The following DPH6 variants were observed in gnomAD, a reference collection of about 807,000 sequenced individuals.
DPH6 encodes the protein diphthamine biosynthesis 6, also known as diphthine--ammonia ligase.
In DPH6, 33 loss-of-function variants were observed where a neutral mutation model predicts 38.2. The observed-to-expected ratio is 0.86, with a 90% CI of 0.65 to 1.15. DPH6 has a LOEUF of 1.15. DPH6 is among the 50% of genes most tolerant of loss of function. The pLI is 0.00. For synonymous variants in DPH6, 108 were observed against 103.0 expected, an observed-to-expected ratio of 1.05 and a Z score of -0.30; for missense variants, 325 against 320.0, an observed-to-expected ratio of 1.02 and a Z score of -0.12.
chr15:35,382,297 A>C (rs149988693), intron 6 of DPH6, among the ~76,000 whole-genome samples: 1 of 151,764 alleles, frequency 6.6e-6, no homozygotes, highest in African/African-American at 2.4e-5. Flanking sequence ...TTAGCCGGGC[A>C]TGGTGGTGGG....
In DPH6 at chr15:35,410,909, G is replaced by T. The variant is rs184298288; in HGVS notation, c.506-13C>A. ...TCAGGATCTAAACCTGCCAAGAAAGGTTACATTTTTTAAAGATAACTATCA... is the reference window on the plus strand; with the variant it reads ...TCAGGATCTAAACCTGCCAAGAAAGTTTACATTTTTTAAAGATAACTATCA... On this transcript the variant is annotated splice_polypyrimidine_tract_variant and intron_variant, in intron 5 of 8. Coordinates refer to ENST00000256538, the MANE Select transcript of DPH6 (RefSeq NM_080650.4). The T allele has an allele frequency of 1.3e-6, 2 of 1,598,578 alleles. No homozygotes were observed. Among genetic ancestry groups the T allele is most frequent in the Non-Finnish European group, 1.7e-6 (2 of 1,172,832 alleles).
intron 3 of DPH6, among the ~76,000 whole-genome samples, chr15:35,364,926 C>T (rs1001169839): frequency 6.6e-6 from 1 of 151,956 alleles, no homozygotes; most frequent in Non-Finnish European, 1.5e-5. Context: ...CTCACTATTT[C>T]CATGCCTCTT....
intron 3 of DPH6, among the ~76,000 whole-genome samples, chr15:35,358,496 T>C (rs562301132): frequency 6.6e-6 from 1 of 152,324 alleles, no homozygotes; most frequent in South Asian, 2.1e-4. Context: ...TTCTGGTTGC[T>C]TCTCATTTGG....
At chr15:35,284,250 T>C (rs934458878) in intron 3 of DPH6, among the ~76,000 whole-genome samples, 3 of 152,176 alleles carry the variant, frequency 2.0e-5, no homozygotes, top group African/African-American at 4.8e-5. Flanking sequence ...TATCACATAT[T>C]TACAAATAAT....
At chr15:35,382,440 C>T (rs1040842800) in intron 6 of DPH6, among the ~76,000 whole-genome samples, 5 of 141,258 alleles carry the variant, frequency 3.5e-5, no homozygotes, top group African/African-American at 1.4e-4. Context: ...AAAATAAAAA[C>T]GAAAAACAAA....
intron 3 of DPH6, among the ~76,000 whole-genome samples, chr15:35,261,211 T>C (rs1245788490): frequency 1.3e-5 from 2 of 152,324 alleles, no homozygotes; most frequent in East Asian, 3.9e-4. Context: ...TTATCCTTCC[T>C]GATGCAGTAC....
chr15:35,339,713 C>A (rs1025760680), intron 3 of DPH6, among the ~76,000 whole-genome samples: 1 of 151,922 alleles, frequency 6.6e-6, no homozygotes. Context: ...TTTCTTAATC[C>A]CAAATTCTAA....
At chr15:35,346,963 T>C (rs886765036) in intron 3 of DPH6, among the ~76,000 whole-genome samples, 5 of 152,136 alleles carry the variant, frequency 3.3e-5, no homozygotes, top group Non-Finnish European at 2.9e-5. Context: ...AATTTACCCT[T>C]TAAAAAAATT....
intron 3 of DPH6, among the ~76,000 whole-genome samples, chr15:35,317,283 G>A (rs2052198951): frequency 7.0e-6 from 1 of 143,462 alleles, no homozygotes; most frequent in Admixed American, 7.2e-5. Context: ...GAAAGAGAGA[G>A]AGAGAGAAAG....
intron 6 of DPH6, among the ~76,000 whole-genome samples, chr15:35,386,417 C>T (rs879936918): frequency 2.0e-5 from 3 of 152,192 alleles, no homozygotes; most frequent in South Asian, 2.1e-4. Context: ...CCTGAGGAGT[C>T]GCCACACCAA....
chr15:35,285,872 G>GTTTTTTTTTTTTTTTTTTTTTTTTTTT lies in DPH6; in HGVS notation n.201-65291_201-65290insAAAAAAAAAAAAAAAAAAAAAAAAAAA, dbSNP rs67243158. Among the ~76,000 whole-genome samples the GTTTTTTTTTTTTTTTTTTTTTTTTTTT allele has an allele frequency of 4.4e-4, 23 of 52,812 alleles. 8 individuals are homozygous for GTTTTTTTTTTTTTTTTTTTTTTTTTTT. Among genetic ancestry groups the GTTTTTTTTTTTTTTTTTTTTTTTTTTT allele is most frequent in the African/African-American group, 7.5e-4 (10 of 13,420 alleles). The allele number at this position is 52,812 out of a possible 152,430, so 34.6% of individuals were successfully genotyped here. On this transcript the variant is annotated intron_variant and non_coding_transcript_variant, in intron 3 of 3. Coordinates refer to the DPH6 transcript ENST00000560386. ...GACTCAATTATCATTTTATCTTTGA[G>GTTTTTTTTTTTTTTTTTTTTTTTTTTT]TTTTTTTTTTTTTTTTTACCTGAGA...
intron 4 of DPH6, among the ~76,000 whole-genome samples, chr15:35,452,401 C>T (rs1265793162): frequency 6.6e-6 from 1 of 152,138 alleles, no homozygotes. Flanking sequence ...AGCTCTAAAA[C>T]CCAGTGTCTA....
chr15:35,213,192 G>T (rs2051395923), downstream of DPH6, among the ~76,000 whole-genome samples: 4 of 152,136 alleles, frequency 2.6e-5, no homozygotes. Flanking sequence ...ACTGATTCAA[G>T]GTTTGTCATG....
chr15:35,410,146 TAAAAG>T (rs1286281255), intron 6 of DPH6, among the ~76,000 whole-genome samples: 1 of 151,842 alleles, frequency 6.6e-6, no homozygotes, highest in Non-Finnish European at 1.5e-5. Flanking sequence ...GATGACTTGT[TAAAAG>T]AGATAGGTTC....
the DPH6 span, among the ~76,000 whole-genome samples, chr15:35,182,305 T>C: frequency 2.0e-5 from 3 of 149,736 alleles, no homozygotes; most frequent in Non-Finnish European, 4.4e-5. Flanking sequence ...AGTAAACTGC[T>C]TTCTTTGCAG....
chr15:35,146,147 T>C, the DPH6 span, among the ~76,000 whole-genome samples: 2 of 151,996 alleles, frequency 1.3e-5, no homozygotes, highest in African/African-American at 4.8e-5. Flanking sequence ...TTCAAAGTTT[T>C]ACTCATTGAA....
chr15:35,170,175 G>C, the DPH6 span, among the ~76,000 whole-genome samples: 1 of 152,274 alleles, frequency 6.6e-6, no homozygotes, highest in Non-Finnish European at 1.5e-5. Flanking sequence ...ACTATCTTTG[G>C]CTTGGAAAGA....
chr15:35,190,221 C>A, the DPH6 span, among the ~76,000 whole-genome samples: 2 of 152,218 alleles, frequency 1.3e-5, no homozygotes, highest in African/African-American at 4.8e-5. Flanking sequence ...CCAGTGGGTT[C>A]TCCTTGCCCG....
intron 6 of DPH6, among the ~76,000 whole-genome samples, chr15:35,390,848 A>G (rs1427177091): frequency 6.6e-6 from 1 of 152,092 alleles, no homozygotes; most frequent in Non-Finnish European, 1.5e-5. Flanking sequence ...AACTCGTCAA[A>G]GTGATTCTCC....
Sources: allele counts gnomAD v4.1 joint callset (sites outside exome capture counted in the v4.1 genomes callset), GRCh38; gene constraint gnomAD v4.1.1; transcripts MANE v1.5; gene names NCBI Gene and HGNC (gene_info 2026-07-23, HGNC 2026-07-21).